B3GAT2: variants seen among roughly 807,000 people sequenced by gnomAD.
B3GAT2 encodes the protein galactosylgalactosylxylosylprotein 3-beta-glucuronosyltransferase 2.
A neutral mutation model predicts 27.8 loss-of-function variants in B3GAT2; 26 were observed. The observed-to-expected ratio is 0.93, with a 90% CI of 0.68 to 1.30. The LOEUF is 1.30. Among genes scored for constraint, B3GAT2 ranks in the 50% most tolerant of loss-of-function variants. B3GAT2 has a pLI of 0.00. For synonymous variants in B3GAT2, 218 were observed against 195.1 expected (o/e 1.12, Z -0.98); for missense variants, 458 against 459.0 (o/e 1.00, Z 0.02).
intron 1 of B3GAT2, among the ~76,000 whole-genome samples, chr6:70,925,581 G>A (rs1310109038): frequency 2.0e-5 from 3 of 152,196 alleles, no homozygotes; most frequent in Non-Finnish European, 4.4e-5. Flanking sequence ...ACTGCAAGAC[G>A]GCCCCAAGAC....
At chr6:70,915,242 T>C (rs1390820153) in intron 1 of B3GAT2, among the ~76,000 whole-genome samples, 1 of 152,236 alleles carries the variant, frequency 6.6e-6, no homozygotes, top group Non-Finnish European at 1.5e-5. Context: ...TGCCCACTTT[T>C]TGATGCAGTG....
chr6:70,875,457 C>G (rs1172612415), intron 2 of B3GAT2, among the ~76,000 whole-genome samples: 1 of 152,168 alleles, frequency 6.6e-6, no homozygotes, highest in Non-Finnish European at 1.5e-5. Flanking sequence ...TCCCAAATTG[C>G]CACTGTTTCC....
chr6:70,876,494 C>A (rs891250293), intron 2 of B3GAT2, among the ~76,000 whole-genome samples: 1 of 152,184 alleles, frequency 6.6e-6, no homozygotes, highest in Admixed American at 6.5e-5. Context: ...GGTACTTTCA[C>A]TGTTCTGTGC....
chr6:70,856,813 G>A lies in B3GAT2; in HGVS notation c.*4850C>T, dbSNP rs1771444002. The A allele has an allele frequency of 1.2e-5, 18 of 1,523,680 alleles. No individual in the cohort carries two copies. The highest frequency in any genetic ancestry group is 2.8e-5 in the African/African-American group (2 of 72,260). The allele number at this position is 1,523,680 out of a possible 1,614,324, so 94.4% of individuals were successfully genotyped here. ...GGATTTTAAGTAATGGATAAGCTGC[G>A]CTTTACTATGCAGAATTTGATAGCT... On this transcript the variant is annotated 3_prime_UTR_variant, in exon 4 of 4. Coordinates refer to ENST00000230053, the MANE Select transcript of B3GAT2 (RefSeq NM_080742.3).
Position 70,956,523 on chromosome 6 carries a change from G to A in B3GAT2, c.-94C>T, listed in dbSNP as rs1765661056. The A allele has an allele frequency of 6.5e-7, 1 of 1,530,910 alleles. No homozygotes were observed. Among genetic ancestry groups the A allele is most frequent in the Non-Finnish European group, 8.8e-7 (1 of 1,139,464 alleles). The allele number at this position is 1,530,910 out of a possible 1,614,324, so 94.8% of individuals were successfully genotyped here. A position where few individuals can be genotyped will look rare whatever the true frequency, so the allele number is the denominator to read the frequency against. ...GGACAGCGGCGGCGCCAGCACTTAG[G>A]GAGTGGTGATGGGTGCGCTGTCCAT... On this transcript the variant is annotated 5_prime_UTR_variant, in exon 1 of 4. Coordinates refer to ENST00000230053, the MANE Select transcript of B3GAT2 (RefSeq NM_080742.3).
At chr6:70,881,945 A>G (rs1469932635) in intron 2 of B3GAT2, among the ~76,000 whole-genome samples, 4 of 152,124 alleles carry the variant, frequency 2.6e-5, no homozygotes, top group Admixed American at 6.5e-5. Flanking sequence ...ATATTTTCCT[A>G]CTTTCTAATC....
chr6:70,856,863 C>T lies in B3GAT2; in HGVS notation c.*4800G>A. ...TTATTTTGGTGTTTGTCTCAGGGGA[C>T]ACCCTCTGCACCAGCAGCTGCAACC... On this transcript the variant is annotated 3_prime_UTR_variant, in exon 4 of 4. Transcript: ENST00000230053. 6.2e-7 allele frequency: 1 copy of T among 1,608,810 alleles called. No homozygotes were observed. The highest frequency in any genetic ancestry group is 8.5e-7 in the Non-Finnish European group (1 of 1,177,186).
intron 2 of B3GAT2, among the ~76,000 whole-genome samples, chr6:70,888,125 C>T (rs1741825): frequency 0.29 from 43,509 of 151,876 alleles, 9,520 homozygotes; most frequent in African/African-American, 0.59. Flanking sequence ...CCCAGCCAGG[C>T]GTGATCACTG....
intron 1 of B3GAT2, among the ~76,000 whole-genome samples, chr6:70,939,378 C>G (rs1205469938): frequency 1.3e-5 from 2 of 150,100 alleles, no homozygotes; most frequent in East Asian, 3.9e-4. Context: ...ACCATTTGAT[C>G]CAGCCATCCC....
chr6:70,896,265 C>T (rs1247151557), intron 1 of B3GAT2, among the ~76,000 whole-genome samples: 7 of 152,166 alleles, frequency 4.6e-5, no homozygotes, highest in African/African-American at 1.7e-4. Flanking sequence ...GTCATTTCCC[C>T]TTACTGATCC....
chr6:70,925,598 A>T lies in B3GAT2; in HGVS notation c.591+30241T>A, dbSNP rs531670024. On this transcript the variant is annotated intron_variant, in intron 1 of 3. Transcript: ENST00000230053. ...TGCAAGACGGCCCCAAGACTGGGGG[A>T]GGGGCGTCTGCCATTGCTGAGGCTT... Among the ~76,000 whole-genome samples, 10 of 152,138 alleles carry T rather than the reference A, an allele frequency of 6.6e-5. No individual in the cohort carries two copies. The South Asian group carries it at 2.1e-3, about 32-fold the overall frequency.
Position 70,858,288 on chromosome 6 carries a change from T to C in B3GAT2, c.*3375A>G, listed in dbSNP as rs1158795355. On this transcript the variant is annotated 3_prime_UTR_variant, in exon 4 of 4. Coordinates refer to ENST00000230053, the MANE Select transcript of B3GAT2 (RefSeq NM_080742.3). ...TCAAACCAGATTTATTTTCTAAATC[T>C]TTTTTTTTTTTTTTTTTTTTTTTTT... 4.2e-5 allele frequency: 1 copy of C among 23,992 alleles called. No homozygotes were observed. The highest frequency in any genetic ancestry group is 8.8e-5 in the Non-Finnish European group (1 of 11,320). The allele number at this position is 23,992 out of a possible 1,614,324, so 1.5% of individuals were successfully genotyped here.
chr6:70,910,180 T>C (rs1772668178), intron 1 of B3GAT2, among the ~76,000 whole-genome samples: 1 of 152,142 alleles, frequency 6.6e-6, no homozygotes, highest in Non-Finnish European at 1.5e-5. Flanking sequence ...GCCCCTCTTC[T>C]TTTTTTAAGA....
chr6:70,884,189 G>A (rs541402749), intron 2 of B3GAT2, among the ~76,000 whole-genome samples: 71 of 151,842 alleles, frequency 4.7e-4, no homozygotes, highest in Non-Finnish European at 9.4e-4. Context: ...CCTAGGTGGA[G>A]CTCAAGTGTG....
At chr6:70,866,945 T>A (rs1173720262) in intron 2 of B3GAT2, among the ~76,000 whole-genome samples, 1 of 152,162 alleles carries the variant, frequency 6.6e-6, no homozygotes, top group East Asian at 1.9e-4. Flanking sequence ...ACATTTAAAA[T>A]AATTTAAATT....
chr6:70,900,887 G>C (rs145989827), intron 1 of B3GAT2, among the ~76,000 whole-genome samples: 5 of 152,328 alleles, frequency 3.3e-5, no homozygotes, highest in African/African-American at 1.2e-4. Context: ...CTTCAAGAAA[G>C]TGGAGTTACA....
chr6:70,950,113 GT>G (rs1765555836), intron 1 of B3GAT2, among the ~76,000 whole-genome samples: 1 of 151,812 alleles, frequency 6.6e-6, no homozygotes, highest in South Asian at 2.1e-4. Context: ...TAAAAGACGA[GT>G]TAATGGGTGC....
chr6:70,947,337 A>G (rs1413077296), intron 1 of B3GAT2, among the ~76,000 whole-genome samples: 119 of 152,206 alleles, frequency 7.8e-4, no homozygotes, highest in Admixed American at 1.3e-3. Context: ...ACCACTAGCA[A>G]GACTAATAAA....
At chr6:70,895,907 G>A (rs112536407) in intron 1 of B3GAT2, among the ~76,000 whole-genome samples, 1 of 151,532 alleles carries the variant, frequency 6.6e-6, no homozygotes, top group African/African-American at 2.4e-5. Flanking sequence ...TTTATCTAAA[G>A]CCTTATCTTT....
Sources: allele counts gnomAD v4.1 joint callset (sites outside exome capture counted in the v4.1 genomes callset), GRCh38; gene constraint gnomAD v4.1.1; transcripts MANE v1.5; gene names NCBI Gene and HGNC (gene_info 2026-07-23, HGNC 2026-07-21).